The following SWT1 variants were observed in gnomAD, a reference collection of about 807,000 sequenced individuals.
SWT1 encodes transcriptional protein SWT1.
A neutral mutation model predicts 107.3 loss-of-function variants in SWT1; 33 were observed. That is an observed-to-expected ratio of 0.31 (90% CI 0.23 to 0.41). The LOEUF is 0.41. Ranked by LOEUF, SWT1 falls within the 10% of genes least tolerant of loss-of-function variation. The probability of loss-of-function intolerance (pLI) is 1.00; values close to 1 mark genes in which losing one functional copy is unlikely to be tolerated. For synonymous variants in SWT1, 345 were observed against 348.3 expected (o/e 0.99, Z 0.11); for missense variants, 898 against 1,028.9 (o/e 0.87, Z 1.74).
intron 16 of SWT1, among the ~76,000 whole-genome samples, chr1:185,269,245 T>G (rs1663656273): frequency 6.6e-6 from 1 of 152,294 alleles, no homozygotes; most frequent in East Asian, 1.9e-4. Context: ...CTAGATAGCT[T>G]TGTCTTCATG....
Position 185,214,628 on chromosome 1 carries a change from A to G in SWT1, c.2094A>G (p.Val698=). ...DGILPQTFAQ[V]NNLLQTFAEV... is the part of the protein sequence containing the mutation. ...TTCTTCCACAGACCTTTGCTCAAGT[A>G]AACAACCTCCTTCAGACATTTGCAG... Residue 698 remains valine (V), a synonymous_variant, in exon 14 of 19, where the codon GTA becomes GTG. Transcript: ENST00000367500. The G allele has an allele frequency of 6.2e-7, 1 of 1,611,040 alleles. No homozygotes were observed. The highest frequency in any genetic ancestry group is 1.1e-5 in the South Asian group (1 of 90,456).
At chr1:185,269,779 T>G (rs1196631532) in intron 16 of SWT1, among the ~76,000 whole-genome samples, 1 of 152,220 alleles carries the variant, frequency 6.6e-6, no homozygotes, top group Non-Finnish European at 1.5e-5. Flanking sequence ...ATTTCCAACT[T>G]ATAATGGTTT....
rs772751730 is a variant in SWT1 at position 185,181,924 on chromosome 1, A to G, written c.1027-22A>G. The G allele has an allele frequency of 5.0e-6, 8 of 1,612,816 alleles. No individual in the cohort carries two copies. In the East Asian group the frequency reaches 1.3e-4, roughly 27 times the overall value. ...TCTGCAAAGTAACTCAAAATATTTC[A>G]CTGGGGTCTTTTACACTTTAGATGC... On this transcript the variant is annotated intron_variant, in intron 6 of 18. Coordinates refer to ENST00000367500, the MANE Select transcript of SWT1 (RefSeq NM_017673.7).
Position 185,228,169 on chromosome 1 carries a change from G to GTATATA in SWT1, c.2310-3393_2310-3388dup, listed in dbSNP as rs757812651. Among the ~76,000 whole-genome samples, 170 of 79,304 alleles carry GTATATA rather than the reference G, an allele frequency of 2.1e-3. 1 individual carries two copies. Among genetic ancestry groups the GTATATA allele is most frequent in the African/African-American group, 7.6e-3 (153 of 20,246 alleles). The allele number at this position is 79,304 out of a possible 152,430, so 52.0% of individuals were successfully genotyped here. A position where few individuals can be genotyped will look rare whatever the true frequency, so the allele number is the denominator to read the frequency against. ...AGTATGTCACATTAAAAAAAAATGT[G>GTATATA]TATATATATATATATATATACATAT... On this transcript the variant is annotated intron_variant, in intron 15 of 18. Transcript: ENST00000367500.
At position 185,245,394 on chromosome 1, in the gene SWT1, G is replaced by T. The variant is rs74345515; in HGVS notation, c.2441+13686G>T. On this transcript the variant is annotated intron_variant, in intron 16 of 18. Transcript: ENST00000367500. ...GTCCTCAGAGATAGTAACACACATG[G>T]AGCTGTCTCCTATGATAACAGTGCC... 5.5e-3 allele frequency among the ~76,000 whole-genome samples: 836 copies of T among 152,214 alleles called. 35 individuals carry two copies. The East Asian group carries it at 0.093, about 17-fold the overall frequency.
At chr1:185,269,279 C>T (rs917965467) in intron 16 of SWT1, among the ~76,000 whole-genome samples, 2 of 151,744 alleles carry the variant, frequency 1.3e-5, no homozygotes, top group Non-Finnish European at 2.9e-5. Context: ...ATGTATGGAT[C>T]CTTCTCCATA....
At chr1:185,289,420 C>A (rs1665126016) in intron 18 of SWT1, among the ~76,000 whole-genome samples, 1 of 152,190 alleles carries the variant, frequency 6.6e-6, no homozygotes, top group Non-Finnish European at 1.5e-5. Flanking sequence ...CTACCTTACT[C>A]TCTGAAGGAC....
intron 13 of SWT1, among the ~76,000 whole-genome samples, chr1:185,208,018 A>G (rs1005731069): frequency 3.3e-5 from 5 of 152,214 alleles, no homozygotes; most frequent in Non-Finnish European, 7.3e-5. Context: ...TTCATATATT[A>G]ATTATATCCA....
intron 15 of SWT1, among the ~76,000 whole-genome samples, chr1:185,228,660 C>T (rs994152700): frequency 1.3e-5 from 2 of 152,172 alleles, no homozygotes; most frequent in African/African-American, 4.8e-5. Flanking sequence ...TACTTTCAGG[C>T]ACTTGGTAGT....
intron 16 of SWT1, among the ~76,000 whole-genome samples, chr1:185,268,906 G>T (rs905110610): frequency 7.1e-5 from 10 of 141,690 alleles, no homozygotes; most frequent in Non-Finnish European, 1.4e-4. Context: ...AGGCTTGAGT[G>T]CAGTGGCGCG....
intron 7 of SWT1, among the ~76,000 whole-genome samples, chr1:185,182,864 G>A (rs1280516815): frequency 6.6e-6 from 1 of 151,902 alleles, no homozygotes; most frequent in East Asian, 1.9e-4. Context: ...GACCGGGCAC[G>A]GTGGCTCACG....
chr1:185,239,509 G>A (rs1661116180), intron 16 of SWT1, among the ~76,000 whole-genome samples: 3 of 152,008 alleles, frequency 2.0e-5, no homozygotes, highest in Non-Finnish European at 4.4e-5. Flanking sequence ...AAAGGGATGA[G>A]GATCTTGCAA....
chr1:185,179,323 G>A (rs1176073528), intron 5 of SWT1, among the ~76,000 whole-genome samples: 13 of 152,180 alleles, frequency 8.5e-5, no homozygotes, highest in Admixed American at 8.5e-4. Flanking sequence ...TTTCCGTAAA[G>A]TACATGTTAG....
At chr1:185,271,229 C>T in intron 16 of SWT1, 94 bp from the exon 17 acceptor site, 1 of 691,012 alleles carries the variant, frequency 1.4e-6, no homozygotes, top group South Asian at 1.7e-5. Flanking sequence ...TAAGTTACCT[C>T]TTGTGGTATG....
At chr1:185,239,701 A>G (rs1661130513) in intron 16 of SWT1, among the ~76,000 whole-genome samples, 1 of 152,004 alleles carries the variant, frequency 6.6e-6, no homozygotes, top group Admixed American at 6.6e-5. Flanking sequence ...GACAATGTTG[A>G]TAATTTTTTT....
chr1:185,232,617 G>C (rs1287374848), intron 16 of SWT1, among the ~76,000 whole-genome samples: 3 of 152,144 alleles, frequency 2.0e-5, no homozygotes, highest in African/African-American at 7.2e-5. Context: ...AGATGAGGCT[G>C]GATCGAGGTT....
At chr1:185,276,317 A>G (rs1664236158) in intron 17 of SWT1, among the ~76,000 whole-genome samples, 1 of 152,148 alleles carries the variant, frequency 6.6e-6, no homozygotes, top group South Asian at 2.1e-4. Flanking sequence ...TCTGCAGTTT[A>G]TAATCTTATT....
chr1:185,245,259 C>T (rs969905270), intron 16 of SWT1, among the ~76,000 whole-genome samples: 2 of 151,874 alleles, frequency 1.3e-5, no homozygotes, highest in African/African-American at 4.8e-5. Context: ...ACTTTTTAAG[C>T]TTTTTTGTTA....
intron 16 of SWT1, among the ~76,000 whole-genome samples, chr1:185,238,482 C>T (rs1186665615): frequency 2.0e-5 from 3 of 152,124 alleles, no homozygotes; most frequent in Non-Finnish European, 4.4e-5. Context: ...CCCAGACTAA[C>T]TTAAATAAAA....
Sources: allele counts gnomAD v4.1 joint callset (sites outside exome capture counted in the v4.1 genomes callset), GRCh38; gene constraint gnomAD v4.1.1; transcripts MANE v1.5; gene names NCBI Gene and HGNC (gene_info 2026-07-23, HGNC 2026-07-21).